The following ELMO1 variants were observed in gnomAD, a reference collection of about 807,000 sequenced individuals.
ELMO1 encodes engulfment and cell motility protein 1.
In ELMO1, 26 loss-of-function variants were observed where a neutral mutation model predicts 98.9. That is an observed-to-expected ratio of 0.26 (90% CI 0.19 to 0.36). ELMO1 has a LOEUF of 0.36. ELMO1 is among the 10% of genes least tolerant of loss of function. The pLI, the probability that ELMO1 is intolerant of heterozygous loss-of-function variation, is 1.00. For missense variants in ELMO1, 627 were observed against 935.2 expected, an observed-to-expected ratio of 0.67 and a Z score of 4.30; for synonymous variants, 346 against 346.0, an observed-to-expected ratio of 1.00 and a Z score of 0.00.
chr7:37,337,193 A>G (rs1012213531), intron 2 of ELMO1, among the ~76,000 whole-genome samples: 2 of 152,230 alleles, frequency 1.3e-5, no homozygotes, highest in Admixed American at 1.3e-4. Flanking sequence ...AATGTGGCAC[A>G]TATACACCAT....
chr7:37,446,722 C>T (rs1457516550), intron 1 of ELMO1, among the ~76,000 whole-genome samples: 2 of 152,142 alleles, frequency 1.3e-5, no homozygotes, highest in Non-Finnish European at 2.9e-5. Flanking sequence ...CCTGCCCCTC[C>T]CTGATACCTA....
At chr7:37,063,885 A>G (rs191230781) in intron 15 of ELMO1, among the ~76,000 whole-genome samples, 74 of 152,248 alleles carry the variant, frequency 4.9e-4, no homozygotes, top group Non-Finnish European at 5.3e-4. Context: ...CGCAAGTTCA[A>G]CCAGCCCCCT....
At chr7:36,974,942 G>A (rs1479887637) in intron 16 of ELMO1, among the ~76,000 whole-genome samples, 1 of 151,828 alleles carries the variant, frequency 6.6e-6, no homozygotes, top group Non-Finnish European at 1.5e-5. Flanking sequence ...TCCTGAGCCA[G>A]CGAGACCATG....
chr7:37,236,414 A>G (rs1022151295), intron 7 of ELMO1, among the ~76,000 whole-genome samples: 4 of 152,176 alleles, frequency 2.6e-5, no homozygotes, highest in African/African-American at 9.7e-5. Context: ...TTGGTAAGTG[A>G]GAGTAAAGCT....
chr7:37,153,512 G>A (rs1284789076), intron 13 of ELMO1, among the ~76,000 whole-genome samples: 1 of 152,144 alleles, frequency 6.6e-6, no homozygotes, highest in African/African-American at 2.4e-5. Flanking sequence ...CTGGTCCCAC[G>A]CCCACAGATC....
At chr7:37,278,998 G>C (rs554321062) in intron 4 of ELMO1, among the ~76,000 whole-genome samples, 47 of 152,170 alleles carry the variant, frequency 3.1e-4, no homozygotes, top group African/African-American at 1.1e-3. Flanking sequence ...TCAGGAGTTC[G>C]AGAGCAGCCT....
At chr7:37,199,037 C>T (rs1357936785) in intron 13 of ELMO1, among the ~76,000 whole-genome samples, 4 of 152,192 alleles carry the variant, frequency 2.6e-5, no homozygotes, top group Non-Finnish European at 4.4e-5. Context: ...CTTTGATAGG[C>T]GCGCCCCCTA....
intron 13 of ELMO1, among the ~76,000 whole-genome samples, chr7:37,163,285 G>C (rs1431836291): frequency 6.6e-6 from 1 of 151,892 alleles, no homozygotes; most frequent in Non-Finnish European, 1.5e-5. Flanking sequence ...TTTCTCTCCT[G>C]TAATTCTTTT....
At chr7:37,056,841 T>C (rs1201492684) in intron 15 of ELMO1, among the ~76,000 whole-genome samples, 3 of 152,190 alleles carry the variant, frequency 2.0e-5, no homozygotes, top group African/African-American at 7.2e-5. Flanking sequence ...CCAGCTCTGA[T>C]TTGGTCCACT....
intron 13 of ELMO1, among the ~76,000 whole-genome samples, chr7:37,203,520 C>A (rs927760317): frequency 1.3e-5 from 2 of 151,760 alleles, no homozygotes; most frequent in African/African-American, 4.8e-5. Flanking sequence ...AGTCCCCCTA[C>A]AATGGGGCTT....
At chr7:37,426,146 T>C (rs7809023) in intron 1 of ELMO1, among the ~76,000 whole-genome samples, 12 of 131,590 alleles carry the variant, frequency 9.1e-5, no homozygotes, top group South Asian at 7.8e-4. Context: ...TTCTTTCTTT[T>C]TTTTTTTTTT....
chr7:37,366,021 C>T (rs1189803620), intron 1 of ELMO1, among the ~76,000 whole-genome samples: 1 of 152,160 alleles, frequency 6.6e-6, no homozygotes, highest in African/African-American at 2.4e-5. Flanking sequence ...GACCTCTCCA[C>T]CAAGGAGGTT....
intron 15 of ELMO1, among the ~76,000 whole-genome samples, chr7:37,057,505 C>A (rs989573409): frequency 7.2e-5 from 11 of 152,216 alleles, no homozygotes; most frequent in African/African-American, 2.7e-4. Flanking sequence ...ATAATCTACA[C>A]AAGAGCTTCT....
chr7:36,861,209 C>T (rs972979246), intron 21 of ELMO1, among the ~76,000 whole-genome samples: 2 of 152,034 alleles, frequency 1.3e-5, no homozygotes, highest in Non-Finnish European at 2.9e-5. Flanking sequence ...AAAAGCATCT[C>T]GAAAATAAAA....
intron 1 of ELMO1, among the ~76,000 whole-genome samples, chr7:37,409,601 C>A (rs1803912438): frequency 6.6e-6 from 1 of 152,214 alleles, no homozygotes; most frequent in Non-Finnish European, 1.5e-5. Context: ...GGAACTCAGC[C>A]AGGCCCGTGG....
chr7:37,052,567 T>C (rs994177258), intron 15 of ELMO1, among the ~76,000 whole-genome samples: 5 of 152,202 alleles, frequency 3.3e-5, no homozygotes, highest in Non-Finnish European at 5.9e-5. Flanking sequence ...CTGGAAGTTA[T>C]AGAAGACGCA....
chr7:37,004,075 A>T (rs1238187211), intron 16 of ELMO1, among the ~76,000 whole-genome samples: 3 of 147,968 alleles, frequency 2.0e-5, no homozygotes, highest in African/African-American at 7.7e-5. Context: ...TATTTTTTTT[A>T]AATCAATGAG....
chr7:37,166,638 T>A (rs574124036), intron 13 of ELMO1, among the ~76,000 whole-genome samples: 106 of 152,320 alleles, frequency 7.0e-4, no homozygotes, highest in African/African-American at 2.4e-3. Flanking sequence ...TTCCATGTAG[T>A]TGAGCGTTTT....
chr7:36,861,527 C>G (rs1453867907), intron 21 of ELMO1, 132 bp downstream of exon 21: 1 of 1,010,978 alleles, frequency 9.9e-7, no homozygotes, highest in Non-Finnish European at 1.5e-6. Context: ...TATTCTCCTC[C>G]AAGTCAGCAA....
Sources: gnomAD v4.1 joint callset for allele counts (sites outside exome capture counted in the v4.1 genomes callset) on GRCh38, gnomAD v4.1.1 for gene constraint, MANE v1.5 for transcripts, NCBI Gene and HGNC (gene_info 2026-07-23, HGNC 2026-07-21) for gene names.